The following ZC4H2 variants were observed in gnomAD, a reference collection of about 807,000 sequenced individuals.
ZC4H2 encodes the protein zinc finger C4H2-type containing.
For missense variants in ZC4H2, 137 were observed against 173.9 expected (o/e 0.79, Z 1.19); for synonymous variants, 84 against 66.3 (o/e 1.27, Z -1.30).
intron 1 of ZC4H2, among the ~76,000 whole-genome samples, chrX:64,946,132 A>T (rs1334429411): frequency 1.8e-5 from 2 of 109,965 alleles, no homozygotes; most frequent in Non-Finnish European, 3.8e-5. Context: ...GCGTGTGGGA[A>T]AAAAAACCAA....
chrX:65,008,360 G>A (rs555087003), intron 1 of ZC4H2, among the ~76,000 whole-genome samples: 4 of 111,926 alleles, frequency 3.6e-5, no homozygotes, highest in South Asian at 7.4e-4. Context: ...GTACACAGTT[G>A]GTAGAAATGT....
At chrX:64,928,117 T>C (rs1409187008) in intron 1 of ZC4H2, among the ~76,000 whole-genome samples, 1 of 112,471 alleles carries the variant, frequency 8.9e-6, no homozygotes, top group Admixed American at 9.4e-5. Context: ...GCAGAAGCTC[T>C]TTAGTTTAAT....
chrX:64,958,703 G>T (rs748392057), intron 1 of ZC4H2, among the ~76,000 whole-genome samples: 87 of 110,955 alleles, frequency 7.8e-4, no homozygotes, highest in Non-Finnish European at 1.3e-3. Flanking sequence ...CAGGTAATGT[G>T]CATTCTTACT....
chrX:64,995,827 C>T (rs775249417), intron 1 of ZC4H2, among the ~76,000 whole-genome samples: 1 of 112,284 alleles, frequency 8.9e-6, no homozygotes, highest in South Asian at 3.7e-4. Flanking sequence ...CTTTACCTAC[C>T]TTGGAATCCT....
chrX:64,953,891 C>T (rs947172092), intron 1 of ZC4H2, among the ~76,000 whole-genome samples: 3 of 111,074 alleles, frequency 2.7e-5, no homozygotes, highest in Non-Finnish European at 5.6e-5. Context: ...TGGCACTGTT[C>T]AGAATAGCAA....
chrX:64,920,368 C>A (rs746444210), intron 2 of ZC4H2, 115 bp from the exon 3 acceptor site: 71 of 751,850 alleles, frequency 9.4e-5, no homozygotes, highest in Non-Finnish European at 9.8e-5. Flanking sequence ...ATATTCAAGT[C>A]CTTGATCTCC....
At chrX:65,003,763 G>C (rs1932600663) in intron 1 of ZC4H2, among the ~76,000 whole-genome samples, 1 of 109,594 alleles carries the variant, frequency 9.1e-6, no homozygotes, top group Non-Finnish European at 1.9e-5. Context: ...TGTAGTCCCA[G>C]CTACTTGGGA....
chrX:64,986,247 C>A (rs1421834545), intron 1 of ZC4H2, among the ~76,000 whole-genome samples: 2 of 112,347 alleles, frequency 1.8e-5, no homozygotes, highest in Non-Finnish European at 3.8e-5. Context: ...ACATGCTTAT[C>A]CTTTACTTGT....
chrX:64,962,192 A>T (rs1478954873), intron 1 of ZC4H2, among the ~76,000 whole-genome samples: 1 of 111,730 alleles, frequency 9.0e-6, no homozygotes, highest in Non-Finnish European at 1.9e-5. Flanking sequence ...ATTTAACAGC[A>T]CATTAAAAGT....
chrX:64,951,948 T>C (rs1289070750), intron 1 of ZC4H2, among the ~76,000 whole-genome samples: 2 of 111,740 alleles, frequency 1.8e-5, no homozygotes, highest in African/African-American at 6.6e-5. Context: ...AACGTTTAAG[T>C]CTTTAATCCA....
At chrX:64,937,200 A>G (rs770698865) in intron 1 of ZC4H2, among the ~76,000 whole-genome samples, 1 of 111,793 alleles carries the variant, frequency 8.9e-6, no homozygotes, top group Non-Finnish European at 1.9e-5. Flanking sequence ...AGGGCATTAC[A>G]TAATGTTAGA....
intron 1 of ZC4H2, among the ~76,000 whole-genome samples, chrX:64,960,896 T>C (rs1931363699): frequency 8.9e-6 from 1 of 111,926 alleles, no homozygotes; most frequent in Non-Finnish European, 1.9e-5. Context: ...GAGAATGTTC[T>C]GTGTACAGTT....
chrX:64,928,803 C>T (rs867841285), intron 1 of ZC4H2, among the ~76,000 whole-genome samples: 1 of 97,356 alleles, frequency 1.0e-5, no homozygotes, highest in Non-Finnish European at 2.0e-5. Flanking sequence ...TCTTCTCCTT[C>T]TTCTTCTCCT....
At position 64,919,312 on chromosome X, in the gene ZC4H2, A is replaced by C. The variant is rs1054247759; in HGVS notation, c.399-108T>G. 1.8e-5 allele frequency: 17 copies of C among 922,532 alleles called. No homozygotes were observed. The African/African-American group carries it at 2.9e-4, about 16-fold the overall frequency. 76.0% of individuals were successfully genotyped at this position (922,532 alleles called of 1,213,427 possible). Reference sequence around the variant, plus strand: ...CAAGGGTTGAGCTGTGGCTCATTCTAGAAGGTCCCCACACCTTCCCAAGCA... The same window carrying C: ...CAAGGGTTGAGCTGTGGCTCATTCTCGAAGGTCCCCACACCTTCCCAAGCA... On this transcript the variant is annotated intron_variant, in intron 3 of 4. Transcript: ENST00000374839.
intron 1 of ZC4H2, among the ~76,000 whole-genome samples, chrX:65,013,045 G>A: frequency 9.0e-6 from 1 of 111,452 alleles, no homozygotes; most frequent in East Asian, 2.8e-4. Context: ...CTAGGCACAT[G>A]GTGGACCTGA....
chrX:64,996,554 A>C lies in ZC4H2; in HGVS notation c.-272+38075T>G, dbSNP rs1003128807. Among the ~76,000 whole-genome samples the C allele has an allele frequency of 5.3e-5, 6 of 112,396 alleles. No homozygotes were observed. In the South Asian group the frequency reaches 2.2e-3, roughly 41 times the overall value. ...ACACAACTGTCATAAATATGCTAAA[A>C]GAACTAAAGGAAACCATGAGCAATG... On this transcript the variant is annotated intron_variant, in intron 1 of 4. Transcript: ENST00000337990.
chrX:64,979,941 T>G (rs767996457), upstream of ZC4H2, among the ~76,000 whole-genome samples: 2 of 111,752 alleles, frequency 1.8e-5, no homozygotes, highest in Non-Finnish European at 3.8e-5. Flanking sequence ...TCAGTCTCGA[T>G]TATACTTTCA....
At chrX:64,996,230 A>G (rs1401567721) in intron 1 of ZC4H2, among the ~76,000 whole-genome samples, 1 of 111,658 alleles carries the variant, frequency 9.0e-6, no homozygotes, top group Non-Finnish European at 1.9e-5. Flanking sequence ...TCAAGGAAAT[A>G]TGTCAAAACC....
intron 1 of ZC4H2, among the ~76,000 whole-genome samples, chrX:65,023,192 G>C (rs1932850138): frequency 9.0e-6 from 1 of 111,677 alleles, no homozygotes. Flanking sequence ...CCAATTCTGT[G>C]AAGAAAGTCA....
Sources: allele counts gnomAD v4.1 joint callset (sites outside exome capture counted in the v4.1 genomes callset), GRCh38; gene constraint gnomAD v4.1.1; transcripts MANE v1.5; gene names NCBI Gene and HGNC (gene_info 2026-07-23, HGNC 2026-07-21).